Variants in IFT43 observed in about 807,000 individuals in gnomAD.
IFT43 encodes the protein intraflagellar transport protein 43 homolog.
IFT43 carries 33 observed loss-of-function variants against 32.3 expected under a neutral mutation model. That is an observed-to-expected ratio of 1.02 (90% CI 0.77 to 1.37). The LOEUF is 1.37. Ranked by LOEUF, IFT43 falls within the 40% of genes most tolerant of loss-of-function variation. The pLI, the probability that IFT43 is intolerant of heterozygous loss-of-function variation, is 0.00. For synonymous variants in IFT43, 93 were observed against 98.2 expected (o/e 0.95, Z 0.31); for missense variants, 274 against 265.9 (o/e 1.03, Z -0.21).
intron 2 of IFT43, among the ~76,000 whole-genome samples, chr14:76,000,519 G>A (rs977469681): frequency 2.6e-5 from 4 of 151,550 alleles, no homozygotes; most frequent in Non-Finnish European, 4.4e-5. Context: ...TGATCCTCCC[G>A]CCTCGGCCTC....
intron 3 of IFT43, among the ~76,000 whole-genome samples, chr14:76,025,569 A>G (rs1219736324): frequency 6.6e-6 from 1 of 152,234 alleles, no homozygotes; most frequent in Non-Finnish European, 1.5e-5. Flanking sequence ...CTACAGGGCT[A>G]CAGTAACCAA....
chr14:75,999,250 TATATATATATATATATATATATGTATATA>T (rs2035816686), intron 2 of IFT43, among the ~76,000 whole-genome samples: 8 of 7,976 alleles, frequency 1.0e-3, no homozygotes, highest in South Asian at 3.6e-3. Context: ...TATATATATA[TATATATATATATATATATATATGTATATA>T]TATTTTTTTT....
At chr14:76,045,775 TG>T (rs1302962434) in intron 3 of IFT43, among the ~76,000 whole-genome samples, 2 of 152,222 alleles carry the variant, frequency 1.3e-5, no homozygotes, top group Non-Finnish European at 2.9e-5. Context: ...ATTTGTTTTT[TG>T]GAGGTGAGGG....
intron 3 of IFT43, among the ~76,000 whole-genome samples, chr14:76,026,940 A>G (rs964040770): frequency 6.6e-6 from 1 of 152,340 alleles, no homozygotes; most frequent in South Asian, 2.1e-4. Context: ...AGGAACATGG[A>G]TGGAGCTGCA....
chr14:76,027,596 C>T (rs2036426993), intron 3 of IFT43, among the ~76,000 whole-genome samples: 1 of 151,590 alleles, frequency 6.6e-6, no homozygotes, highest in South Asian at 2.1e-4. Flanking sequence ...GTAGTCCCAG[C>T]TACTCGGGAG....
chr14:76,042,471 G>A (rs1475973609), intron 3 of IFT43, among the ~76,000 whole-genome samples: 1 of 152,154 alleles, frequency 6.6e-6, no homozygotes, highest in Non-Finnish European at 1.5e-5. Context: ...CTTTTGACAA[G>A]AAACCAACAT....
intron 2 of IFT43, among the ~76,000 whole-genome samples, chr14:75,996,699 C>T (rs1014551332): frequency 5.9e-5 from 9 of 152,190 alleles, no homozygotes; most frequent in African/African-American, 2.2e-4. Context: ...CAACAAAATG[C>T]AACTCTCTGT....
At chr14:76,047,239 GT>G (rs1237407840) in intron 3 of IFT43, among the ~76,000 whole-genome samples, 2 of 152,186 alleles carry the variant, frequency 1.3e-5, no homozygotes, top group Non-Finnish European at 2.9e-5. Flanking sequence ...CAAGCTAGTT[GT>G]TTAAATTGGG....
intron 2 of IFT43, among the ~76,000 whole-genome samples, chr14:75,998,263 T>C (rs1418404478): frequency 6.6e-6 from 1 of 152,170 alleles, no homozygotes; most frequent in East Asian, 1.9e-4. Context: ...AAATGAATCC[T>C]CAGGTGTGAG....
At chr14:76,054,190 T>C (rs376586997) in intron 3 of IFT43, among the ~76,000 whole-genome samples, 2 of 152,178 alleles carry the variant, frequency 1.3e-5, no homozygotes, top group South Asian at 2.1e-4. Flanking sequence ...GCCCAGCCCA[T>C]GTACATTGAA....
At chr14:76,003,184 G>A (rs1246786988) in intron 2 of IFT43, among the ~76,000 whole-genome samples, 2 of 152,158 alleles carry the variant, frequency 1.3e-5, no homozygotes, top group Admixed American at 1.3e-4. Context: ...ATAATAGAGA[G>A]TTATGTCACT....
intron 6 of IFT43, 75 bp from the exon 7 acceptor site, chr14:76,082,542 G>C: frequency 6.4e-7 from 1 of 1,557,162 alleles, no homozygotes; most frequent in South Asian, 1.1e-5. Flanking sequence ...CAAGGTTCTG[G>C]GGACGGTGGC....
chr14:76,029,584 A>G (rs766978364), intron 3 of IFT43, among the ~76,000 whole-genome samples: 2 of 152,130 alleles, frequency 1.3e-5, no homozygotes, highest in East Asian at 1.9e-4. Context: ...TAGGATTTTT[A>G]TAGTTCGAGA....
At chr14:76,061,606 A>G (rs935091707) in intron 5 of IFT43, among the ~76,000 whole-genome samples, 13 of 152,052 alleles carry the variant, frequency 8.5e-5, no homozygotes, top group African/African-American at 3.1e-4. Context: ...TTTTAAGCCC[A>G]TCTAGTGGAT....
chr14:76,082,096 G>A (rs1447915931), intron 5 of IFT43, among the ~76,000 whole-genome samples, 199 bp from the exon 6 acceptor site: 1 of 152,220 alleles, frequency 6.6e-6, no homozygotes, highest in African/African-American at 2.4e-5. Context: ...ATCTCAGCAG[G>A]TTCTGGAATG....
intron 5 of IFT43, among the ~76,000 whole-genome samples, chr14:76,079,006 A>G (rs1305612660): frequency 6.6e-6 from 1 of 152,180 alleles, no homozygotes; most frequent in Non-Finnish European, 1.5e-5. Context: ...AGTTATTGGA[A>G]TCGAGAGAAA....
chr14:75,988,873 T>G lies in IFT43; in HGVS notation c.55-12T>G. 1 of 1,613,798 alleles carries G rather than the reference T, an allele frequency of 6.2e-7. No homozygotes were observed. Among genetic ancestry groups the G allele is most frequent in the Non-Finnish European group, 8.5e-7 (1 of 1,179,940 alleles). On this transcript the variant is annotated splice_polypyrimidine_tract_variant and intron_variant, in intron 1 of 8. Coordinates refer to ENST00000314067, the MANE Select transcript of IFT43 (RefSeq NM_001102564.3). ...CATTTGGGTCAGCAGTGCCTTCTGT[T>G]TCTCCTTACAGAGGGCCAAGATGGG...
chr14:76,012,946 T>C (rs1363120504), intron 2 of IFT43, among the ~76,000 whole-genome samples: 1 of 152,176 alleles, frequency 6.6e-6, no homozygotes, highest in Non-Finnish European at 1.5e-5. Context: ...GGCTTTTAAG[T>C]TTGTTTGAGC....
intron 5 of IFT43, among the ~76,000 whole-genome samples, chr14:76,066,689 C>G (rs2037229601): frequency 6.6e-6 from 1 of 152,126 alleles, no homozygotes; most frequent in African/African-American, 2.4e-5. Flanking sequence ...ATAAGGAAAC[C>G]TAGTGGTTCC....
Sources: gnomAD v4.1 joint callset for allele counts (sites outside exome capture counted in the v4.1 genomes callset) on GRCh38, gnomAD v4.1.1 for gene constraint, MANE v1.5 for transcripts, NCBI Gene and HGNC (gene_info 2026-07-23, HGNC 2026-07-21) for gene names.